CTBP2: variants seen among roughly 807,000 people sequenced by gnomAD.
CTBP2 encodes the protein C-terminal-binding protein 2.
CTBP2 carries 30 observed loss-of-function variants against 80.3 expected under a neutral mutation model. That is an observed-to-expected ratio of 0.37 (90% confidence interval 0.28 to 0.51). The LOEUF is 0.51. Among genes scored for constraint, CTBP2 ranks in the 20% least tolerant of loss-of-function variants. The pLI is 0.93. For synonymous variants in CTBP2, 594 were observed against 587.4 expected (o/e 1.01, Z -0.16); for missense variants, 1,212 against 1,375.3 (o/e 0.88, Z 1.88).
intron 2 of CTBP2, among the ~76,000 whole-genome samples, chr10:125,060,456 C>T (rs1442138079): frequency 7.1e-6 from 1 of 140,124 alleles, no homozygotes; most frequent in East Asian, 2.3e-4. Flanking sequence ...ATATTCCATT[C>T]CCCCCACGTG....
Position 125,104,964 on chromosome 10 carries a change from T to C in CTBP2, c.-102+6026A>G, listed in dbSNP as rs544337704. ...ACCAGGCCCGAGGACACGAGGGTCA[T>C]GGGAATTCTCAGCCATTTCCTAAAT... On this transcript the variant is annotated intron_variant, in intron 2 of 10. Coordinates refer to the CTBP2 transcript ENST00000337195. Among the ~76,000 whole-genome samples the C allele has an allele frequency of 4.6e-5, 7 of 151,474 alleles. No homozygotes were observed. In the East Asian group the frequency reaches 1.4e-3, roughly 30 times the overall value.
At chr10:125,141,860 G>A (rs988680196) in intron 1 of CTBP2, among the ~76,000 whole-genome samples, 1 of 152,192 alleles carries the variant, frequency 6.6e-6, no homozygotes, top group African/African-American at 2.4e-5. Context: ...CACACTGCCC[G>A]GCTCCCTCCA....
chr10:125,136,212 G>GGGGAGGGTGAGCT (rs1369476007), intron 1 of CTBP2, among the ~76,000 whole-genome samples: 1 of 152,160 alleles, frequency 6.6e-6, no homozygotes, highest in African/African-American at 2.4e-5. Context: ...CGGCCTCCTA[G>GGGGAGGGTGAGCT]GGGAGGGTGA....
intron 1 of CTBP2, among the ~76,000 whole-genome samples, chr10:125,011,595 C>T (rs3781430): frequency 0.074 from 11,327 of 152,254 alleles, 557 homozygotes; most frequent in Admixed American, 0.14. Flanking sequence ...AGAAAAAACA[C>T]AAAATACAAA....
At chr10:124,991,445 G>A (rs1330530948) in intron 8 of CTBP2, among the ~76,000 whole-genome samples, 2 of 152,242 alleles carry the variant, frequency 1.3e-5, no homozygotes, top group African/African-American at 4.8e-5. Flanking sequence ...ATCTGGTGCT[G>A]TGATAGGCTC....
chr10:125,061,282 G>A (rs187429715), intron 2 of CTBP2, among the ~76,000 whole-genome samples: 1 of 152,326 alleles, frequency 6.6e-6, no homozygotes, highest in East Asian at 1.9e-4. Flanking sequence ...CCAGTGGAAC[G>A]GCCCCCTCTG....
At chr10:125,051,596 C>T (rs1434339743) in intron 2 of CTBP2, among the ~76,000 whole-genome samples, 1 of 151,438 alleles carries the variant, frequency 6.6e-6, no homozygotes, top group Non-Finnish European at 1.5e-5. Flanking sequence ...ACTGAGATCA[C>T]GCCACTGCAC....
At chr10:125,045,977 G>A (rs1026060209) in intron 2 of CTBP2, among the ~76,000 whole-genome samples, 6 of 152,018 alleles carry the variant, frequency 3.9e-5, no homozygotes, top group African/African-American at 1.2e-4. Context: ...CTGATGCAAT[G>A]CAGGAAACCC....
chr10:125,152,225 A>AACCCCGGGACCCCGGG (rs527506693), intron 1 of CTBP2, among the ~76,000 whole-genome samples: 2 of 152,046 alleles, frequency 1.3e-5, no homozygotes, highest in Non-Finnish European at 2.9e-5. Flanking sequence ...GGGAGCCAGG[A>AACCCCGGGACCCCGGG]ACCCCGGGAC....
At chr10:125,079,274 C>T (rs191326627) in intron 2 of CTBP2, among the ~76,000 whole-genome samples, 2 of 152,204 alleles carry the variant, frequency 1.3e-5, no homozygotes, top group East Asian at 1.9e-4. Context: ...CTAAAGTACA[C>T]GGAGGACACA....
At chr10:125,101,211 C>G (rs563706509) in intron 2 of CTBP2, among the ~76,000 whole-genome samples, 3 of 152,358 alleles carry the variant, frequency 2.0e-5, no homozygotes, top group Admixed American at 2.0e-4. Context: ...CTGAATCTAA[C>G]CGCCTTTCAT....
chr10:125,038,074 C>A (rs1055327502), intron 3 of CTBP2, among the ~76,000 whole-genome samples: 1 of 152,186 alleles, frequency 6.6e-6, no homozygotes, highest in Non-Finnish European at 1.5e-5. Context: ...GTTCTTGCAG[C>A]GCAGAGTTCT....
chr10:125,034,390 C>CT (rs776050027), intron 3 of CTBP2, among the ~76,000 whole-genome samples: 1 of 152,202 alleles, frequency 6.6e-6, no homozygotes, highest in Non-Finnish European at 1.5e-5. Flanking sequence ...TTTCCTGAAC[C>CT]TTTACCTTTG....
chr10:125,059,657 A>T (rs1238500932), intron 2 of CTBP2, among the ~76,000 whole-genome samples: 1 of 152,132 alleles, frequency 6.6e-6, no homozygotes, highest in Admixed American at 6.6e-5. Context: ...CCTAATGTCC[A>T]CGCTAAGATT....
Position 125,049,488 on chromosome 10 carries a change from G to C in CTBP2, c.-101-10333C>G, listed in dbSNP as rs188842131. The stretch of plus-strand genomic sequence containing the variant: ...CTCTCCACCTTCTCTTCATGGCTCT[G>C]ATGCCACGAATACCTCACAAGCTTG... On this transcript the variant is annotated intron_variant, in intron 2 of 10. Coordinates refer to the CTBP2 transcript ENST00000337195. Among the ~76,000 whole-genome samples the C allele has an allele frequency of 5.3e-4, 81 of 152,286 alleles. 3 individuals are homozygous for C. The East Asian group carries it at 0.012, about 23-fold the overall frequency.
In CTBP2 at chr10:125,152,174, G is replaced by C. The variant is rs542652574; in HGVS notation, c.-206+8145C>G. ...TCCAGGTCCACCCGCCGGGAGGAGA[G>C]GGGCGAACCCCAGGGATGGAGGGGG... On this transcript the variant is annotated intron_variant, in intron 1 of 10. Coordinates refer to the CTBP2 transcript ENST00000337195. Among the ~76,000 whole-genome samples, 28 of 152,198 alleles carry C rather than the reference G, an allele frequency of 1.8e-4. No homozygotes were observed. In the South Asian group the frequency reaches 3.5e-3, roughly 19 times the overall value.
At chr10:125,116,215 C>T (rs1853250822) in intron 1 of CTBP2, among the ~76,000 whole-genome samples, 1 of 152,190 alleles carries the variant, frequency 6.6e-6, no homozygotes, top group South Asian at 2.1e-4. Flanking sequence ...CACAAGGTCC[C>T]AAGCAAACTC....
intron 1 of CTBP2, among the ~76,000 whole-genome samples, chr10:125,155,581 C>T (rs1255103299): frequency 6.6e-6 from 1 of 151,944 alleles, no homozygotes; most frequent in African/African-American, 2.4e-5. Context: ...CTTTTGGATA[C>T]TCTCCATTAA....
At chr10:125,043,909 C>T (rs1023216332) in intron 2 of CTBP2, among the ~76,000 whole-genome samples, 1 of 152,166 alleles carries the variant, frequency 6.6e-6, no homozygotes, top group Non-Finnish European at 1.5e-5. Context: ...TCTATTTAAA[C>T]ATTCTGTTAA....
Sources: allele counts gnomAD v4.1 joint callset (sites outside exome capture counted in the v4.1 genomes callset), GRCh38; gene constraint gnomAD v4.1.1; transcripts MANE v1.5; gene names NCBI Gene and HGNC (gene_info 2026-07-23, HGNC 2026-07-21).